NR3C1: variants seen among roughly 807,000 people sequenced by gnomAD.
The protein encoded by NR3C1 is glucocorticoid receptor.
A neutral mutation model predicts 74.0 loss-of-function variants in NR3C1; 14 were observed. That is an observed-to-expected ratio of 0.19 (90% CI 0.12 to 0.30). The LOEUF (loss-of-function observed/expected upper bound fraction) is 0.30. Among genes scored for constraint, NR3C1 ranks in the 10% least tolerant of loss-of-function variants. The probability of loss-of-function intolerance (pLI) is 1.00; values close to 1 mark genes in which losing one functional copy is unlikely to be tolerated. For synonymous variants in NR3C1, 308 were observed against 332.5 expected (o/e 0.93, Z 0.80); for missense variants, 695 against 909.8 (o/e 0.76, Z 3.04).
intron 7 of NR3C1, among the ~76,000 whole-genome samples, chr5:143,287,105 C>A (rs1329569590): frequency 1.3e-5 from 2 of 151,520 alleles, no homozygotes; most frequent in Non-Finnish European, 2.9e-5. Flanking sequence ...AGGTCTTCAA[C>A]TAACAATGGA....
At chr5:143,304,714 C>T (rs1370494417) in intron 4 of NR3C1, among the ~76,000 whole-genome samples, 1 of 151,584 alleles carries the variant, frequency 6.6e-6, no homozygotes, top group Non-Finnish European at 1.5e-5. Context: ...AAACCACACA[C>T]AATGGTACAG....
chr5:143,296,693 G>A (rs1269959549), intron 6 of NR3C1, among the ~76,000 whole-genome samples: 1 of 152,094 alleles, frequency 6.6e-6, no homozygotes, highest in Non-Finnish European at 1.5e-5. Context: ...CAGCTCTATA[G>A]AGGGTCAGAA....
At chr5:143,301,442 T>A (rs1194200148) in intron 4 of NR3C1, among the ~76,000 whole-genome samples, 2 of 152,146 alleles carry the variant, frequency 1.3e-5, no homozygotes, top group Admixed American at 6.5e-5. Flanking sequence ...ACATAAATTA[T>A]AAGTGGGAAA....
intron 1 of NR3C1, among the ~76,000 whole-genome samples, chr5:143,431,544 C>T (rs1751824635): frequency 6.6e-6 from 1 of 152,062 alleles, no homozygotes; most frequent in African/African-American, 2.4e-5. Flanking sequence ...ATACCTAATG[C>T]ATGCGAGGCT....
intron 2 of NR3C1, among the ~76,000 whole-genome samples, chr5:143,324,006 T>C (rs971148307): frequency 2.0e-5 from 3 of 152,062 alleles, no homozygotes; most frequent in Non-Finnish European, 1.5e-5. Flanking sequence ...CCCTGTGACT[T>C]TGCAGCCTAC....
At chr5:143,326,978 A>G (rs1824736327) in intron 2 of NR3C1, among the ~76,000 whole-genome samples, 1 of 152,248 alleles carries the variant, frequency 6.6e-6, no homozygotes, top group African/African-American at 2.4e-5. Flanking sequence ...GTATACATTC[A>G]ATTTGACTAC....
At chr5:143,314,788 A>G (rs1018601971) in intron 2 of NR3C1, among the ~76,000 whole-genome samples, 1 of 152,172 alleles carries the variant, frequency 6.6e-6, no homozygotes, top group Non-Finnish European at 1.5e-5. Flanking sequence ...CTTGGCTGAA[A>G]CCACAATTTC....
At chr5:143,308,270 G>C (rs1204250093) in intron 4 of NR3C1, among the ~76,000 whole-genome samples, 1 of 151,934 alleles carries the variant, frequency 6.6e-6, no homozygotes, top group Non-Finnish European at 1.5e-5. Flanking sequence ...ACACCAGCCT[G>C]GGAACATAGC....
chr5:143,403,075 T>G lies in NR3C1; in HGVS notation c.-14+136A>C, dbSNP rs1472645351. ...CCTTTCGTCACCGTCGCCCGGCCCT[T>G]GCCAGCCCCCCACCCCCACTCCCCG... is the stretch of plus-strand genomic sequence containing the variant. On this transcript the variant is annotated intron_variant, in intron 1 of 8. Coordinates refer to ENST00000394464, the MANE Select transcript of NR3C1 (RefSeq NM_000176.3). 1.9e-5 allele frequency: 17 copies of G among 890,756 alleles called. No homozygotes were observed. In the Middle Eastern group the frequency reaches 2.3e-3, roughly 119 times the overall value. The allele number at this position is 890,756 out of a possible 1,614,324, so 55.2% of individuals were successfully genotyped here. A position where few individuals can be genotyped will look rare whatever the true frequency, so the allele number is the denominator to read the frequency against.
At position 143,279,378 on chromosome 5, in the gene NR3C1, G is replaced by A. The variant is rs72542767; in HGVS notation, c.*2511C>T. The A allele has an allele frequency of 2.6e-6, 4 of 1,551,378 alleles. No homozygotes were observed. Among genetic ancestry groups the A allele is most frequent in the Non-Finnish European group, 3.5e-6 (4 of 1,148,440 alleles). On this transcript the variant is annotated 3_prime_UTR_variant, in exon 9 of 9. Transcript: ENST00000394464. Reference sequence around the variant, plus strand: ...TGGGATGAAAATCAGATTAATGTGTGAGATGTGCTTTCTGGTTTTAACCAC... The same window carrying A: ...TGGGATGAAAATCAGATTAATGTGTAAGATGTGCTTTCTGGTTTTAACCAC...
intron 2 of NR3C1, among the ~76,000 whole-genome samples, chr5:143,392,848 T>C (rs1838518391): frequency 6.6e-6 from 1 of 152,250 alleles, no homozygotes; most frequent in South Asian, 2.1e-4. Context: ...GTCTGTATTA[T>C]GTCAATCAAC....
intron 3 of NR3C1, among the ~76,000 whole-genome samples, chr5:143,313,056 CAACAT>C (rs1220641672): frequency 2.6e-5 from 4 of 152,176 alleles, no homozygotes; most frequent in African/African-American, 7.2e-5. Context: ...TATGCAAACA[CAACAT>C]GAGACAAATA....
upstream of NR3C1, among the ~76,000 whole-genome samples, chr5:143,407,722 T>G (rs1384117762): frequency 6.6e-6 from 1 of 152,228 alleles, no homozygotes; most frequent in Non-Finnish European, 1.5e-5. Flanking sequence ...AACTGATATA[T>G]TACCCAAGTG....
rs528863742 is a variant in NR3C1 at position 143,351,448 on chromosome 5, C to T, written c.1185-37280G>A. 2.6e-5 allele frequency among the ~76,000 whole-genome samples: 4 copies of T among 152,222 alleles called. No individual in the cohort carries two copies. In the South Asian group the frequency reaches 8.3e-4, roughly 32 times the overall value. ...CCATTCAAAGAGTCAGGATTATAGA[C>T]ATACAGACAAGAATAATTTTCCTCT... On this transcript the variant is annotated intron_variant, in intron 2 of 8. Coordinates refer to ENST00000394464, the MANE Select transcript of NR3C1 (RefSeq NM_000176.3).
At chr5:143,359,574 A>T (rs940726360) in intron 2 of NR3C1, among the ~76,000 whole-genome samples, 3 of 152,328 alleles carry the variant, frequency 2.0e-5, no homozygotes, top group South Asian at 2.1e-4. Flanking sequence ...CAAGGCTGCT[A>T]ATAAATGTAC....
At chr5:143,322,060 T>A (rs1344031813) in intron 2 of NR3C1, among the ~76,000 whole-genome samples, 1 of 152,256 alleles carries the variant, frequency 6.6e-6, no homozygotes. Context: ...TAAATATTTA[T>A]GAGATTATAA....
chr5:143,320,306 T>G (rs1823083296), intron 2 of NR3C1, among the ~76,000 whole-genome samples: 1 of 152,232 alleles, frequency 6.6e-6, no homozygotes, highest in Non-Finnish European at 1.5e-5. Flanking sequence ...CTGATTATTC[T>G]CTTTGCTTTG....
intron 2 of NR3C1, among the ~76,000 whole-genome samples, chr5:143,356,816 C>T (rs1348107285): frequency 6.6e-6 from 1 of 152,134 alleles, no homozygotes; most frequent in Non-Finnish European, 1.5e-5. Flanking sequence ...CGTTACTTTT[C>T]CTTTTAAGAG....
chr5:143,398,862 T>TA (rs1216721445), intron 2 of NR3C1, among the ~76,000 whole-genome samples: 13 of 151,960 alleles, frequency 8.6e-5, no homozygotes, highest in Non-Finnish European at 1.3e-4. Context: ...AACGACTGAG[T>TA]AAAAAAAAGA....
Sources: gnomAD v4.1 joint callset for allele counts (sites outside exome capture counted in the v4.1 genomes callset) on GRCh38, gnomAD v4.1.1 for gene constraint, MANE v1.5 for transcripts, NCBI Gene and HGNC (gene_info 2026-07-23, HGNC 2026-07-21) for gene names.